SLC38A3: variants seen among roughly 807,000 people sequenced by gnomAD.
SLC38A3 encodes the protein sodium-coupled neutral amino acid transporter 3.
In SLC38A3, 17 loss-of-function variants were observed where a neutral mutation model predicts 59.5. The observed-to-expected ratio is 0.29, with a 90% CI of 0.20 to 0.43. The LOEUF (loss-of-function observed/expected upper bound fraction) is 0.43, where lower values mean the gene tolerates loss of function less well. Among genes scored for constraint, SLC38A3 ranks in the 20% least tolerant of loss-of-function variants. The pLI is 1.00. For synonymous variants in SLC38A3, 238 were observed against 260.3 expected (o/e 0.91, Z 0.82); for missense variants, 454 against 653.9 (o/e 0.69, Z 3.33).
At chr3:50,216,193 G>C (rs1699817233) in intron 7 of SLC38A3, among the ~76,000 whole-genome samples, 1 of 152,228 alleles carries the variant, frequency 6.6e-6, no homozygotes, top group South Asian at 2.1e-4. Flanking sequence ...ATTAAGCCCA[G>C]GTGTCCCAGT....
At chr3:50,211,114 G>A (rs779722740) in intron 1 of SLC38A3, among the ~76,000 whole-genome samples, 1 of 152,216 alleles carries the variant, frequency 6.6e-6, no homozygotes, top group African/African-American at 2.4e-5. Flanking sequence ...TTTCACCACA[G>A]GGGATCAGGC....
At position 50,217,456 on chromosome 3, in the gene SLC38A3, G is replaced by A. The variant is rs1349514462; in HGVS notation, c.673G>A (p.Val225Met). ...CAGCGGCTTCTCTCTTAGCTGCATGGTGTTCTTCCTAATTGCAGTGAGTCA... is the reference window on the plus strand; with the variant it reads ...CAGCGGCTTCTCTCTTAGCTGCATGATGTTCTTCCTAATTGCAGTGAGTCA... ...YSSGFSLSCMVFFLIAVIYKK... is the reference protein window; with the variant it reads ...YSSGFSLSCMMFFLIAVIYKK... The change falls in exon 9 of 16, where the codon GTG becomes ATG. Residue 225 changes from valine (V) to methionine (M), a missense_variant. This residue lies in a region of SLC38A3 where 390 missense variants were observed against 557.9 expected (regional missense o/e 0.70). Transcript: ENST00000614032. This position sits in a 1 kb window ranked among gnomAD's most constrained non-coding sequence, Gnocchi z 4.9. 3 of 1,613,332 alleles carry A rather than the reference G, an allele frequency of 1.9e-6. No homozygotes were observed. In the African/African-American group the frequency reaches 4.0e-5, roughly 22 times the overall value.
Position 50,215,779 on chromosome 3 carries a change from C to T in SLC38A3, c.506C>T (p.Pro169Leu). ...CTGTACATCATCAAGTCTGAGCTGC[C>T]ACTTGTCATACAGACCTTCCTGAAC... Reference protein sequence around the residue: ...SYLYIIKSELPLVIQTFLNLE... With the variant: ...SYLYIIKSELLLVIQTFLNLE... Residue 169 changes from proline (P) to leucine (L), a missense_variant, in exon 7 of 16, where the codon CCA becomes CTA. Physicochemically the swap from Pro to Leu is moderately conservative, Grantham distance 98 (BLOSUM62 -3). Coordinates refer to ENST00000614032, the MANE Select transcript of SLC38A3 (RefSeq NM_006841.6). The surrounding 1 kb of genome is among the most constrained non-coding windows in gnomAD (Gnocchi z 7.1). 1 of 1,597,990 alleles carries T rather than the reference C, an allele frequency of 6.3e-7. No individual in the cohort carries two copies. The highest frequency in any genetic ancestry group is 8.5e-7 in the Non-Finnish European group (1 of 1,172,452).
chr3:50,214,184 T>C lies in SLC38A3; in HGVS notation c.-16T>C. ...GTTGGTGTGAGACCAGTGCTCCTGGTGGTGTGCCCTGAGCCATGGAGGCGC... is the reference window on the plus strand; with the variant it reads ...GTTGGTGTGAGACCAGTGCTCCTGGCGGTGTGCCCTGAGCCATGGAGGCGC... On this transcript the variant is annotated 5_prime_UTR_variant, in exon 2 of 16. Transcript: ENST00000614032. The surrounding 1 kb of genome is among the most constrained non-coding windows in gnomAD (Gnocchi z 6.0). The C allele has an allele frequency of 1.2e-6, 2 of 1,609,604 alleles. No individual in the cohort carries two copies. Among genetic ancestry groups the C allele is most frequent in the Non-Finnish European group, 1.7e-6 (2 of 1,177,116 alleles).
At position 50,218,503 on chromosome 3, in the gene SLC38A3, C is replaced by A; in HGVS notation, c.1037-90C>A. On this transcript the variant is annotated intron_variant, in intron 12 of 15. Transcript: ENST00000614032. The surrounding 1 kb of genome is among the most constrained non-coding windows in gnomAD (Gnocchi z 5.8). ...CCGCTGTGGAGGTGAGTCTGCATGC[C>A]AATCCCCACAGTGTTGGGGTCCCCT... 1 of 1,582,788 alleles carries A rather than the reference C, an allele frequency of 6.3e-7. No homozygotes were observed. Among genetic ancestry groups the A allele is most frequent in the Non-Finnish European group, 8.6e-7 (1 of 1,160,726 alleles).
Position 50,218,753 on chromosome 3 carries a change from G to A in SLC38A3, c.1161+36G>A. 1 of 1,599,026 alleles carries A rather than the reference G, an allele frequency of 6.3e-7. No individual in the cohort carries two copies. The highest frequency in any genetic ancestry group is 8.6e-7 in the Non-Finnish European group (1 of 1,167,606). ...GGGCAGGTGGCTAGACTAGTGGCGG[G>A]AGGGGCTGATGGGGCCAACAGGCTG... On this transcript the variant is annotated intron_variant, in intron 13 of 15. Coordinates refer to ENST00000614032, the MANE Select transcript of SLC38A3 (RefSeq NM_006841.6). The surrounding 1 kb of genome is among the most constrained non-coding windows in gnomAD (Gnocchi z 5.8).
At position 50,214,996 on chromosome 3, in the gene SLC38A3, A is replaced by C; in HGVS notation, c.299+228A>C. On this transcript the variant is annotated intron_variant, in intron 4 of 15. Transcript: ENST00000614032. This position sits in a 1 kb window ranked among gnomAD's most constrained non-coding sequence, Gnocchi z 6.0. ...CACAGGCCGGTCTTACAGGCCAGAG[A>C]CTGTCCTTTTGGCACCTTACACGTG... The C allele has an allele frequency of 1.7e-6, 1 of 589,678 alleles. No homozygotes were observed. Among genetic ancestry groups the C allele is most frequent in the South Asian group, 2.0e-5 (1 of 49,082 alleles). The allele number at this position is 589,678 out of a possible 1,614,324, so 36.5% of individuals were successfully genotyped here.
At chr3:50,212,467 G>C (rs548950385) in intron 1 of SLC38A3, among the ~76,000 whole-genome samples, 21 of 152,326 alleles carry the variant, frequency 1.4e-4, no homozygotes, top group African/African-American at 4.8e-4. Context: ...GGCAACCCTG[G>C]GGTCAGGGGA....
At chr3:50,213,319 C>T (rs1474947656) in intron 1 of SLC38A3, among the ~76,000 whole-genome samples, 1 of 152,210 alleles carries the variant, frequency 6.6e-6, no homozygotes, top group African/African-American at 2.4e-5. Flanking sequence ...GGTTCCCTGC[C>T]TGGCAGTGGA....
At position 50,220,144 on chromosome 3, in the gene SLC38A3, C is replaced by T. The variant is rs1478670064; in HGVS notation, c.1482C>T (p.Ala494=). The stretch of plus-strand genomic sequence containing the variant: ...TGAGCTTCATCATCATTGACTGGGC[C>T]TCAGGGACCAGCCGGCATGGAGGAA... The part of the protein sequence containing the change: ...MSLSFIIIDW[A]SGTSRHGGNH Residue 494 remains alanine (A), a synonymous_variant, in exon 16 of 16, where the codon GCC becomes GCT. Coordinates refer to ENST00000614032, the MANE Select transcript of SLC38A3 (RefSeq NM_006841.6). 1.2e-6 allele frequency: 2 copies of T among 1,600,890 alleles called. No individual in the cohort carries two copies. Among genetic ancestry groups the T allele is most frequent in the South Asian group, 1.1e-5 (1 of 88,912 alleles).
In SLC38A3 at chr3:50,214,740, A is replaced by G; in HGVS notation, c.271A>G (p.Met91Val). The change falls in exon 4 of 16, where the codon ATG becomes GTG. Residue 91 changes from methionine to valine, a missense_variant. Met to Val is a conservative substitution (Grantham distance 21). Coordinates refer to ENST00000614032, the MANE Select transcript of SLC38A3 (RefSeq NM_006841.6). This position sits in a 1 kb window ranked among gnomAD's most constrained non-coding sequence, Gnocchi z 6.0. ...CGGCATCCTGGGACTCGCCTATGCCATGGCCAATACGGGCATTATCCTTTT... is the reference window on the plus strand; with the variant it reads ...CGGCATCCTGGGACTCGCCTATGCCGTGGCCAATACGGGCATTATCCTTTT... ...GSGILGLAYA[M>V]ANTGIILFLF... The G allele has an allele frequency of 1.9e-6, 3 of 1,612,588 alleles. No homozygotes were observed. The South Asian group carries it at 3.3e-5, about 18-fold the overall frequency.
rs1415313291 is a variant in SLC38A3, at chr3:50,205,333, C to A, written c.-67C>A. On this transcript the variant is annotated 5_prime_UTR_variant, in exon 1 of 16. Coordinates refer to ENST00000614032, the MANE Select transcript of SLC38A3 (RefSeq NM_006841.6). ...GGCCCGAGCGGAGCGCCGCACGTTC[C>A]CAACCGCGAGGCCAGGTACCGCTTC... 6.6e-6 allele frequency: 1 copy of A among 151,924 alleles called. No homozygotes were observed. Among genetic ancestry groups the A allele is most frequent in the African/African-American group, 2.4e-5 (1 of 41,304 alleles). The allele number at this position is 151,924 out of a possible 1,614,324, so 9.4% of individuals were successfully genotyped here.
intron 1 of SLC38A3, among the ~76,000 whole-genome samples, chr3:50,206,167 C>A (rs1190023129): frequency 6.6e-6 from 1 of 152,280 alleles, no homozygotes; most frequent in African/African-American, 2.4e-5. Context: ...TTTGTTTACA[C>A]CCAGGCAGGG....
In SLC38A3 at chr3:50,217,195, C is replaced by A; in HGVS notation, c.549-43C>A. 1.4e-6 allele frequency: 2 copies of A among 1,477,974 alleles called. No homozygotes were observed. The highest frequency in any genetic ancestry group is 9.4e-7 in the Non-Finnish European group (1 of 1,069,156). 91.6% of individuals were successfully genotyped at this position (1,477,974 alleles called of 1,614,324 possible). The stretch of plus-strand genomic sequence containing the variant: ...AGGGAGGCAGGGGCCCCATCCCAGG[C>A]TGAATGGATTCTGACCCTGGCTCCC... On this transcript the variant is annotated intron_variant, in intron 7 of 15. Transcript: ENST00000614032. This position sits in a 1 kb window ranked among gnomAD's most constrained non-coding sequence, Gnocchi z 4.9.
chr3:50,220,719 G>C lies in SLC38A3; in HGVS notation c.*542G>C. ...TGACACCCTCCCATACCCCATAGCT[G>C]GGGCCAGCAGGTTCTGCTGAGGGTG... is the stretch of plus-strand genomic sequence containing the variant. On this transcript the variant is annotated 3_prime_UTR_variant, in exon 16 of 16. Transcript: ENST00000614032. The C allele has an allele frequency of 6.0e-6, 1 of 166,592 alleles. No homozygotes were observed. Among genetic ancestry groups the C allele is most frequent in the Non-Finnish European group, 1.3e-5 (1 of 74,736 alleles). 10.3% of individuals were successfully genotyped at this position (166,592 alleles called of 1,614,324 possible).
intron 1 of SLC38A3, among the ~76,000 whole-genome samples, chr3:50,205,791 G>A (rs997426966): frequency 6.6e-6 from 1 of 152,258 alleles, no homozygotes; most frequent in African/African-American, 2.4e-5. Context: ...GCGCTGCCCC[G>A]ACGGGCGCCT....
Position 50,217,961 on chromosome 3 carries a change from C to T in SLC38A3, c.900C>T (p.His300=), listed in dbSNP as rs368739347. The T allele has an allele frequency of 6.2e-7, 1 of 1,614,024 alleles. No individual in the cohort carries two copies. The highest frequency in any genetic ancestry group is 8.5e-7 in the Non-Finnish European group (1 of 1,179,896). Residue 300 remains histidine (H), a synonymous_variant, in exon 11 of 16, where the codon CAC becomes CAT. Transcript: ENST00000614032. The surrounding 1 kb of genome is among the most constrained non-coding windows in gnomAD (Gnocchi z 4.9). The part of the protein sequence containing the change: ...IPIMAFAFVC[H]PEVLPIYTEL... ...TCATGGCCTTCGCCTTCGTCTGCCACCCCGAGGTGCTGCCCATCTATACTG... is the reference window on the plus strand; with the variant it reads ...TCATGGCCTTCGCCTTCGTCTGCCATCCCGAGGTGCTGCCCATCTATACTG...
At position 50,217,784 on chromosome 3, in the gene SLC38A3, G is replaced by T. The variant is rs757188275; in HGVS notation, c.799G>T (p.Val267Phe). ...EIVKEKVQLQ[V>F]EPEASAFCTP... is the part of the protein sequence containing the mutation. ...CGTGAAGGAGAAGGTGCAGCTGCAGGTCGAGCCTGAGGCTTCAGCCTTCTG... is the reference window on the plus strand; with the variant it reads ...CGTGAAGGAGAAGGTGCAGCTGCAGTTCGAGCCTGAGGCTTCAGCCTTCTG... The change falls in exon 10 of 16, where the codon GTC becomes TTC. Residue 267 changes from valine to phenylalanine, a missense_variant. By Grantham distance (50) the Val-to-Phe change is conservative. This residue lies in a region of SLC38A3 where 390 missense variants were observed against 557.9 expected (regional missense o/e 0.70). Coordinates refer to ENST00000614032, the MANE Select transcript of SLC38A3 (RefSeq NM_006841.6). The surrounding 1 kb of genome is among the most constrained non-coding windows in gnomAD (Gnocchi z 4.9). The T allele has an allele frequency of 2.5e-6, 4 of 1,613,886 alleles. No homozygotes were observed. Among genetic ancestry groups the T allele is most frequent in the Non-Finnish European group, 3.4e-6 (4 of 1,179,888 alleles).
Position 50,217,454 on chromosome 3 carries a change from T to A in SLC38A3, c.671T>A (p.Met224Lys). ...GYSSGFSLSC[M>K]VFFLIAVIYK... ...TCCAGCGGCTTCTCTCTTAGCTGCA[T>A]GGTGTTCTTCCTAATTGCAGTGAGT... Residue 224 changes from methionine (M) to lysine (K), a missense_variant, in exon 9 of 16, where the codon ATG becomes AAG. Physicochemically the swap from Met to Lys is moderately conservative, Grantham distance 95 (BLOSUM62 -1). This residue lies in a region of SLC38A3 where 390 missense variants were observed against 557.9 expected (regional missense o/e 0.70). Coordinates refer to ENST00000614032, the MANE Select transcript of SLC38A3 (RefSeq NM_006841.6). The surrounding 1 kb of genome is among the most constrained non-coding windows in gnomAD (Gnocchi z 4.9). 6.2e-7 allele frequency: 1 copy of A among 1,613,510 alleles called. No individual in the cohort carries two copies. The highest frequency in any genetic ancestry group is 8.5e-7 in the Non-Finnish European group (1 of 1,179,682).
Sources: gnomAD v4.1 joint callset for allele counts (sites outside exome capture counted in the v4.1 genomes callset) on GRCh38, gnomAD v4.1.1 for gene constraint, gnomAD v4.1.1 regional missense constraint, Gnocchi (gnomAD v3.1) non-coding constraint, MANE v1.5 for transcripts, NCBI Gene and HGNC (gene_info 2026-07-23, HGNC 2026-07-21) for gene names.